Variants in PCDHGA3 observed in about 807,000 individuals in gnomAD.
PCDHGA3 encodes protocadherin gamma-A3.
Under a neutral mutation model 58.5 loss-of-function variants are expected in PCDHGA3, and 40 were observed. The ratio of observed to expected loss-of-function variants is 0.68; its 90% CI spans 0.53 to 0.89. The LOEUF (loss-of-function observed/expected upper bound fraction) is 0.89, where lower values mean the gene tolerates loss of function less well. PCDHGA3 is among the 40% of genes least tolerant of loss of function. The probability of loss-of-function intolerance (pLI) is 0.00; values close to 1 mark genes in which losing one functional copy is unlikely to be tolerated. For synonymous variants in PCDHGA3, 530 were observed against 525.7 expected, an observed-to-expected ratio of 1.01 and a Z score of -0.11; for missense variants, 1,223 against 1,195.9, an observed-to-expected ratio of 1.02 and a Z score of -0.33.
Position 141,388,463 on chromosome 5 carries a change from G to A in PCDHGA3, c.2424+42006G>A, listed in dbSNP as rs367941349. Reference sequence around the variant, plus strand: ...AATCAGATGGCAGTAAATACCCTGAGATGGTATTGAAGACACCTTTGGACA... The same window carrying A: ...AATCAGATGGCAGTAAATACCCTGAAATGGTATTGAAGACACCTTTGGACA... On this transcript the variant is annotated intron_variant, in intron 1 of 3. Coordinates refer to ENST00000253812, the MANE Select transcript of PCDHGA3 (RefSeq NM_018916.4). 143 of 1,613,666 alleles carry A rather than the reference G, an allele frequency of 8.9e-5. 2 individuals are homozygous for A. The highest frequency in any genetic ancestry group is 1.3e-5 in the Non-Finnish European group (15 of 1,179,854).
intron 1 of PCDHGA3, among the ~76,000 whole-genome samples, chr5:141,369,978 A>AT (rs1300549847): frequency 6.6e-6 from 1 of 152,234 alleles, no homozygotes; most frequent in Non-Finnish European, 1.5e-5. Flanking sequence ...AAGGTACTTG[A>AT]TTTGGATGGA....
At position 141,372,147 on chromosome 5, in the gene PCDHGA3, G is replaced by A. The variant is rs374383984; in HGVS notation, c.2424+25690G>A. ...TATGGTGCCGCGCTCTGCAGAGCCT[G>A]GCTACCTGGTGACCAAGGTGGTGGC... On this transcript the variant is annotated intron_variant, in intron 1 of 3. Coordinates refer to ENST00000253812, the MANE Select transcript of PCDHGA3 (RefSeq NM_018916.4). 52 of 1,613,776 alleles carry A rather than the reference G, an allele frequency of 3.2e-5. No homozygotes were observed. In the Middle Eastern group the frequency reaches 5.0e-4, roughly 15 times the overall value.
rs780479748 is a variant in PCDHGA3, at chr5:141,345,475, GCAA to G, written c.1450_1452del (p.Asn484del). The G allele has an allele frequency of 1.7e-5, 27 of 1,614,000 alleles. No homozygotes were observed. Among genetic ancestry groups the G allele is most frequent in the Middle Eastern group, 1.6e-4 (1 of 6,084 alleles). ...TCAGTGACAGCCCAGGACCCAGATA[GCAA>G]CAACAACGCCCGCATCACTTATGCA... On this transcript the variant is annotated inframe_deletion, in exon 1 of 4. Transcript: ENST00000253812.
intron 1 of PCDHGA3, chr5:141,428,910 A>C (rs956124609): frequency 1.3e-5 from 2 of 151,302 alleles, no homozygotes; most frequent in Non-Finnish European, 2.9e-5. Context: ...GCTGGAGTGC[A>C]GTGGCATGAT....
At chr5:141,388,953 G>A (rs1266765544) in intron 1 of PCDHGA3, 13 of 1,614,022 alleles carry the variant, frequency 8.1e-6, no homozygotes, top group Non-Finnish European at 1.1e-5. Context: ...AATTATGGAG[G>A]ACGCCGAGCT....
At chr5:141,407,649 G>A (rs541467957) in intron 1 of PCDHGA3, among the ~76,000 whole-genome samples, 1 of 152,050 alleles carries the variant, frequency 6.6e-6, no homozygotes, top group East Asian at 1.9e-4. Flanking sequence ...AAAATAATGG[G>A]GGAGCGCAGT....
At position 141,490,370 on chromosome 5, in the gene PCDHGA3, G is replaced by C. The variant is rs768474199; in HGVS notation, c.2425-4437G>C. ...GTGGGGTTGTTTAATGTGCGAGACC[G>C]GGACTCAGGTAGAAATGGTGAAGTG... On this transcript the variant is annotated intron_variant, in intron 1 of 3. Coordinates refer to ENST00000253812, the MANE Select transcript of PCDHGA3 (RefSeq NM_018916.4). The surrounding 1 kb of genome is among the most constrained non-coding windows in gnomAD (Gnocchi z 5.4). 1 of 1,614,172 alleles carries C rather than the reference G, an allele frequency of 6.2e-7. No individual in the cohort carries two copies. Among genetic ancestry groups the C allele is most frequent in the Admixed American group, 1.7e-5 (1 of 60,026 alleles).
chr5:141,383,655 C>T, intron 1 of PCDHGA3: 1 of 1,613,986 alleles, frequency 6.2e-7, no homozygotes, highest in East Asian at 2.2e-5. Context: ...TAACTGTCCC[C>T]GAGAATGTGC....
At chr5:141,503,555 C>T (rs1010409481) in intron 2 of PCDHGA3, among the ~76,000 whole-genome samples, 2 of 148,816 alleles carry the variant, frequency 1.3e-5, no homozygotes, top group African/African-American at 5.0e-5. Context: ...GCCGAGATCG[C>T]GCCACTGTAC....
chr5:141,510,791 A>C (rs1244085822), intron 3 of PCDHGA3, 156 bp from the exon 4 acceptor site: 1 of 929,250 alleles, frequency 1.1e-6, no homozygotes, highest in Non-Finnish European at 1.3e-6. Context: ...AACTCTTGTG[A>C]AGAGAGACTA....
At position 141,473,164 on chromosome 5, in the gene PCDHGA3, G is replaced by A. The variant is rs190029663; in HGVS notation, c.2425-21643G>A. Among the ~76,000 whole-genome samples the A allele has an allele frequency of 1.6e-3, 241 of 152,250 alleles. 5 individuals carry two copies. The highest frequency in any genetic ancestry group is 2.1e-4 in the Non-Finnish European group (14 of 68,014). ...TCTTCAGATCACTAGGGCTAGGAAG[G>A]CCCACTGGTAACTTGAAGGAGTAAA... On this transcript the variant is annotated intron_variant, in intron 1 of 3. Transcript: ENST00000253812.
At chr5:141,372,173 G>A (rs780828000) in intron 1 of PCDHGA3, 2 of 1,613,722 alleles carry the variant, frequency 1.2e-6, no homozygotes, top group Non-Finnish European at 1.7e-6. Context: ...AGGTGGTGGC[G>A]GTGGACGCAG....
At chr5:141,413,488 C>G in intron 1 of PCDHGA3, 1 of 1,613,986 alleles carries the variant, frequency 6.2e-7, no homozygotes, top group Non-Finnish European at 8.5e-7. Context: ...TCAGAGCGCG[C>G]GGTGCGTGGT....
Position 141,485,465 on chromosome 5 carries a change from C to T in PCDHGA3, c.2425-9342C>T. ...AATCGACCGAGAGGCACTGTGTGGG[C>T]TCAGTGCCAGCTGCATCGTGCCCCT... On this transcript the variant is annotated intron_variant, in intron 1 of 3. Coordinates refer to ENST00000253812, the MANE Select transcript of PCDHGA3 (RefSeq NM_018916.4). This position sits in a 1 kb window ranked among gnomAD's most constrained non-coding sequence, Gnocchi z 5.7. 6.2e-7 allele frequency: 1 copy of T among 1,614,162 alleles called. No homozygotes were observed.
At chr5:141,366,022 C>T in intron 1 of PCDHGA3, 1 of 1,614,248 alleles carries the variant, frequency 6.2e-7, no homozygotes, top group Non-Finnish European at 8.5e-7. Context: ...AGATCCTGTA[C>T]CCCGCCCTCC....
intron 2 of PCDHGA3, among the ~76,000 whole-genome samples, chr5:141,499,301 TC>T (rs771049830): frequency 6.6e-6 from 1 of 152,166 alleles, no homozygotes; most frequent in Non-Finnish European, 1.5e-5. Context: ...CTACCATCCC[TC>T]CTCTGAGAGA....
chr5:141,357,352 C>T (rs1341933650), intron 1 of PCDHGA3: 2 of 1,614,156 alleles, frequency 1.2e-6, no homozygotes, highest in Non-Finnish European at 1.7e-6. Flanking sequence ...CAAGCTGAGA[C>T]GCTGGCACAA....
At chr5:141,472,855 A>C (rs1179268125) in intron 1 of PCDHGA3, among the ~76,000 whole-genome samples, 3 of 151,078 alleles carry the variant, frequency 2.0e-5, no homozygotes, top group African/African-American at 7.3e-5. Flanking sequence ...GCATGGTGGC[A>C]CATGCCTGTA....
chr5:141,422,750 T>C (rs778578440), intron 1 of PCDHGA3: 4 of 1,611,900 alleles, frequency 2.5e-6, no homozygotes, highest in Non-Finnish European at 3.4e-6. Flanking sequence ...TATGTCTCTA[T>C]TAACTCCAAC....
Sources: gnomAD v4.1 joint callset for allele counts (sites outside exome capture counted in the v4.1 genomes callset) on GRCh38, gnomAD v4.1.1 for gene constraint, Gnocchi (gnomAD v3.1) non-coding constraint, MANE v1.5 for transcripts, NCBI Gene and HGNC (gene_info 2026-07-23, HGNC 2026-07-21) for gene names.